Variants in PRMT8 observed in about 807,000 individuals in gnomAD.
PRMT8 encodes protein arginine methyltransferase 8, also known as protein arginine N-methyltransferase 8.
PRMT8 carries 7 observed loss-of-function variants against 47.1 expected under a neutral mutation model. That is an observed-to-expected ratio of 0.15 (90% CI 0.08 to 0.28). The LOEUF is 0.28. PRMT8 is among the 10% of genes least tolerant of loss of function. PRMT8 has a pLI of 1.00. For missense variants in PRMT8, 237 were observed against 505.4 expected (o/e 0.47, Z 5.09); for synonymous variants, 188 against 186.5 (o/e 1.01, Z -0.07).
chr12:3,390,836 A>G (rs2137045474), intron 1 of PRMT8, among the ~76,000 whole-genome samples: 1 of 152,340 alleles, frequency 6.6e-6, no homozygotes, highest in East Asian at 1.9e-4. Context: ...GGGAACAGGC[A>G]GACTTGTTCA....
chr12:3,553,861 C>T (rs1036471359), intron 4 of PRMT8, 147 bp downstream of exon 4: 19 of 731,770 alleles, frequency 2.6e-5, no homozygotes, highest in Admixed American at 1.5e-4. Flanking sequence ...AGCAAGACTG[C>T]GGCCATGGGT....
In PRMT8 at chr12:3,535,268, G is replaced by C. The variant is rs1866098265; in HGVS notation, c.76-5338G>C. ...TCTGCATTTAGTGGGCCCGAGGCCTGTTCACCCCAGTAGAGTGGGTAGACT... is the reference window on the plus strand; with the variant it reads ...TCTGCATTTAGTGGGCCCGAGGCCTCTTCACCCCAGTAGAGTGGGTAGACT... On this transcript the variant is annotated intron_variant, in intron 1 of 9. Coordinates refer to ENST00000382622, the MANE Select transcript of PRMT8 (RefSeq NM_019854.5). This position sits in a 1 kb window ranked among gnomAD's most constrained non-coding sequence, Gnocchi z 4.7. Among the ~76,000 whole-genome samples, 1 of 152,182 alleles carries C rather than the reference G, an allele frequency of 6.6e-6. No individual in the cohort carries two copies. Among genetic ancestry groups the C allele is most frequent in the African/African-American group, 2.4e-5 (1 of 41,428 alleles).
intron 1 of PRMT8, among the ~76,000 whole-genome samples, chr12:3,476,878 T>A (rs1865219928): frequency 6.6e-6 from 1 of 151,864 alleles, no homozygotes; most frequent in Non-Finnish European, 1.5e-5. Context: ...ACTTAGTGAG[T>A]GGTGGAGAGA....
intron 1 of PRMT8, among the ~76,000 whole-genome samples, chr12:3,448,731 T>A (rs12305332): frequency 0.27 from 41,138 of 151,898 alleles, 5,817 homozygotes; most frequent in Middle Eastern, 0.33. Flanking sequence ...TTTTTAAAAA[T>A]TTTATTTTAT....
intron 1 of PRMT8, among the ~76,000 whole-genome samples, chr12:3,496,812 C>G (rs1053168097): frequency 1.9e-4 from 29 of 152,098 alleles, no homozygotes; most frequent in Non-Finnish European, 2.1e-4. Context: ...ATTTCTGTAG[C>G]TGAAATGATC....
chr12:3,401,148 A>C (rs1210109080), intron 1 of PRMT8, among the ~76,000 whole-genome samples: 1 of 56,108 alleles, frequency 1.8e-5, no homozygotes, highest in African/African-American at 6.3e-5. Flanking sequence ...ACTCCATCTC[A>C]AAAAAAAAAA....
intron 1 of PRMT8, among the ~76,000 whole-genome samples, chr12:3,509,580 A>C (rs537856584): frequency 6.6e-6 from 1 of 152,330 alleles, no homozygotes; most frequent in Admixed American, 6.5e-5. Context: ...AGAGACTTAA[A>C]ACTATTTGTT....
intron 1 of PRMT8, among the ~76,000 whole-genome samples, chr12:3,433,206 A>T (rs1864701589): frequency 6.6e-6 from 1 of 152,210 alleles, no homozygotes; most frequent in South Asian, 2.1e-4. Flanking sequence ...TGAGGTTAGC[A>T]TCCCTTCATG....
chr12:3,515,845 T>C (rs1346969228), intron 1 of PRMT8, among the ~76,000 whole-genome samples: 2 of 152,248 alleles, frequency 1.3e-5, no homozygotes, highest in Non-Finnish European at 2.9e-5. Flanking sequence ...TCCCATCTTC[T>C]GGTGACTGTG....
intron 1 of PRMT8, among the ~76,000 whole-genome samples, chr12:3,472,078 T>C (rs949248431): frequency 6.6e-6 from 1 of 152,110 alleles, no homozygotes; most frequent in Non-Finnish European, 1.5e-5. Flanking sequence ...GGCGGGGACA[T>C]CAATGGCCAT....
intron 4 of PRMT8, among the ~76,000 whole-genome samples, chr12:3,561,132 C>T (rs1322133144): frequency 1.3e-5 from 2 of 152,200 alleles, no homozygotes; most frequent in Non-Finnish European, 2.9e-5. Context: ...GTTCCTTCCT[C>T]TTTTGCTTAG....
intron 1 of PRMT8, among the ~76,000 whole-genome samples, chr12:3,426,449 G>A (rs915225988): frequency 6.6e-6 from 1 of 152,126 alleles, no homozygotes; most frequent in Non-Finnish European, 1.5e-5. Context: ...TCTACATCTG[G>A]GGGCAAGACT....
At chr12:3,478,474 G>A (rs1206321996) in intron 1 of PRMT8, among the ~76,000 whole-genome samples, 1 of 152,166 alleles carries the variant, frequency 6.6e-6, no homozygotes, top group East Asian at 1.9e-4. Flanking sequence ...CTGCTTCCTT[G>A]ATAGTAAGGG....
In PRMT8 at chr12:3,409,293, C is replaced by A. The variant is rs965230329; in HGVS notation, c.48+27851C>A. Among the ~76,000 whole-genome samples the A allele has an allele frequency of 6.6e-6, 1 of 152,146 alleles. No homozygotes were observed. Among genetic ancestry groups the A allele is most frequent in the African/African-American group, 2.4e-5 (1 of 41,434 alleles). Reference sequence around the variant, plus strand: ...GCCCAGCTTCAGGGAAGAAGGGGTGCTGTGGAGTTTCGGGTCCAGTGAGCA... The same window carrying A: ...GCCCAGCTTCAGGGAAGAAGGGGTGATGTGGAGTTTCGGGTCCAGTGAGCA... On this transcript the variant is annotated intron_variant, in intron 1 of 9. Coordinates refer to the PRMT8 transcript ENST00000452611. This position sits in a 1 kb window ranked among gnomAD's most constrained non-coding sequence, Gnocchi z 4.4.
chr12:3,547,062 T>G (rs908291403), intron 2 of PRMT8, among the ~76,000 whole-genome samples: 2 of 152,104 alleles, frequency 1.3e-5, no homozygotes, highest in Non-Finnish European at 2.9e-5. Context: ...GTGACAAAAT[T>G]AAATACCAAT....
intron 1 of PRMT8, among the ~76,000 whole-genome samples, chr12:3,457,861 TTTTTTA>T (rs1418227019): frequency 7.7e-5 from 6 of 77,618 alleles, no homozygotes; most frequent in South Asian, 9.0e-4. Context: ...TTTTTTTTTT[TTTTTTA>T]AGACAGCGTT....
chr12:3,435,217 C>T (rs1316135670), intron 1 of PRMT8, among the ~76,000 whole-genome samples: 1 of 152,104 alleles, frequency 6.6e-6, no homozygotes, highest in South Asian at 2.1e-4. Flanking sequence ...GATCCGCCCA[C>T]CTCTGCCTCC....
Position 3,557,635 on chromosome 12 carries a change from C to T in PRMT8, c.481+3921C>T, listed in dbSNP as rs1028821214. On this transcript the variant is annotated intron_variant, in intron 4 of 9. Transcript: ENST00000382622. This position sits in a 1 kb window ranked among gnomAD's most constrained non-coding sequence, Gnocchi z 4.7. ...TAAAGAAAACTGGTCGATTCTTTCT[C>T]TGGGAGGGTGACACAGCCTGGCCTC... 2.6e-5 allele frequency among the ~76,000 whole-genome samples: 4 copies of T among 152,174 alleles called. No individual in the cohort carries two copies. The highest frequency in any genetic ancestry group is 2.1e-4 in the South Asian group (1 of 4,822).
chr12:3,561,589 C>G (rs1307253205), intron 4 of PRMT8, among the ~76,000 whole-genome samples: 1 of 152,174 alleles, frequency 6.6e-6, no homozygotes, highest in African/African-American at 2.4e-5. Flanking sequence ...ACAGGCTGCT[C>G]TACATTAGGC....
Sources: gnomAD v4.1 joint callset for allele counts (sites outside exome capture counted in the v4.1 genomes callset) on GRCh38, gnomAD v4.1.1 for gene constraint, Gnocchi (gnomAD v3.1) non-coding constraint, MANE v1.5 for transcripts, NCBI Gene and HGNC (gene_info 2026-07-23, HGNC 2026-07-21) for gene names.